The following UNC5D variants were observed in gnomAD, a reference collection of about 807,000 sequenced individuals.
UNC5D encodes the protein unc-5 netrin receptor D.
Under a neutral mutation model 105.4 loss-of-function variants are expected in UNC5D, and 39 were observed. That is an observed-to-expected ratio of 0.37 (90% CI 0.29 to 0.48). The LOEUF is 0.48. UNC5D is among the 20% of genes least tolerant of loss of function. UNC5D has a pLI of 0.98. For missense variants in UNC5D, 991 were observed against 1,202.4 expected (o/e 0.82, Z 2.60); for synonymous variants, 452 against 450.4 (o/e 1.00, Z -0.04).
chr8:35,415,937 CAAACTGT>C (rs1371711760), intron 1 of UNC5D, among the ~76,000 whole-genome samples: 1 of 151,812 alleles, frequency 6.6e-6, no homozygotes, highest in Non-Finnish European at 1.5e-5. Context: ...ATTTACCTTG[CAAACTGT>C]AAAGTGCTGA....
At chr8:35,428,346 ATTTTTTT>A (rs35131097) in intron 1 of UNC5D, among the ~76,000 whole-genome samples, 7 of 92,778 alleles carry the variant, frequency 7.5e-5, no homozygotes, top group East Asian at 6.4e-4. Context: ...ATGCCTGGCT[ATTTTTTT>A]TTTTTTTTTT....
chr8:35,484,979 G>A (rs1307519538), intron 1 of UNC5D, among the ~76,000 whole-genome samples: 1 of 152,152 alleles, frequency 6.6e-6, no homozygotes, highest in Non-Finnish European at 1.5e-5. Flanking sequence ...AAATATATTT[G>A]CCTTAAGTAA....
chr8:35,592,044 G>T, intron 3 of UNC5D, among the ~76,000 whole-genome samples: 1 of 152,154 alleles, frequency 6.6e-6, no homozygotes, highest in East Asian at 1.9e-4. Context: ...ACCAATTGGT[G>T]TACTTGCTGT....
intron 1 of UNC5D, among the ~76,000 whole-genome samples, chr8:35,428,819 C>T (rs969078086): frequency 6.6e-6 from 1 of 152,032 alleles, no homozygotes; most frequent in African/African-American, 2.4e-5. Flanking sequence ...AACCAACCAT[C>T]CCTCACTGAA....
At chr8:35,737,767 TAGTC>T (rs563189073) in intron 11 of UNC5D, among the ~76,000 whole-genome samples, 113 of 152,196 alleles carry the variant, frequency 7.4e-4, no homozygotes, top group African/African-American at 2.7e-3. Context: ...CATAAATAAT[TAGTC>T]AGGAAAATAA....
intron 12 of UNC5D, 134 bp from the exon 13 acceptor site, chr8:35,750,448 C>T (rs906282644): frequency 5.8e-5 from 50 of 868,116 alleles, no homozygotes; most frequent in East Asian, 3.4e-4. Context: ...CAGTTAACAT[C>T]GGGATAATTG....
intron 13 of UNC5D, among the ~76,000 whole-genome samples, chr8:35,758,450 A>G (rs1245850450): frequency 6.6e-6 from 1 of 152,270 alleles, no homozygotes; most frequent in African/African-American, 2.4e-5. Context: ...ATTAATGGTG[A>G]TTTCAAAAAT....
chr8:35,489,974 A>G (rs1223824103), intron 1 of UNC5D, among the ~76,000 whole-genome samples: 1 of 152,216 alleles, frequency 6.6e-6, no homozygotes, highest in African/African-American at 2.4e-5. Flanking sequence ...ATGCTTAGTA[A>G]ATATCATCCA....
intron 1 of UNC5D, among the ~76,000 whole-genome samples, chr8:35,404,333 C>T (rs1804666975): frequency 6.6e-6 from 1 of 152,074 alleles, no homozygotes; most frequent in African/African-American, 2.4e-5. Context: ...AATGTACCAT[C>T]CTGACACCCA....
chr8:35,265,957 A>G (rs1804841806), intron 1 of UNC5D, among the ~76,000 whole-genome samples: 1 of 151,798 alleles, frequency 6.6e-6, no homozygotes, highest in East Asian at 1.9e-4. Context: ...GAGAGAGGGT[A>G]GAGATATAAA....
intron 1 of UNC5D, among the ~76,000 whole-genome samples, chr8:35,246,964 A>G (rs745993668): frequency 6.6e-6 from 1 of 152,082 alleles, no homozygotes; most frequent in Non-Finnish European, 1.5e-5. Flanking sequence ...AGGGCCCTAA[A>G]ATTTCCAGGC....
chr8:35,271,648 T>A lies in UNC5D; in HGVS notation c.103+35761T>A, dbSNP rs1805350887. Among the ~76,000 whole-genome samples, 5 of 143,834 alleles carry A rather than the reference T, an allele frequency of 3.5e-5. No individual in the cohort carries two copies. In the Admixed American group the frequency reaches 3.5e-4, roughly 10 times the overall value. The allele number at this position is 143,834 out of a possible 152,430, so 94.4% of individuals were successfully genotyped here. A position where few individuals can be genotyped will look rare whatever the true frequency, so the allele number is the denominator to read the frequency against. ...TGTAACATATATTATGTATACCATA[T>A]GTATACCTATATTTATACAGGTATA... is the stretch of plus-strand genomic sequence containing the variant. On this transcript the variant is annotated intron_variant, in intron 1 of 16. Transcript: ENST00000404895.
At chr8:35,289,413 G>A (rs937510263) in intron 1 of UNC5D, among the ~76,000 whole-genome samples, 1 of 152,076 alleles carries the variant, frequency 6.6e-6, no homozygotes, top group African/African-American at 2.4e-5. Flanking sequence ...TAATAGCAGG[G>A]GAATCTGAAC....
chr8:35,235,896 T>A lies in UNC5D; in HGVS notation c.103+9T>A. On this transcript the variant is annotated intron_variant, in intron 1 of 16. Coordinates refer to ENST00000404895, the MANE Select transcript of UNC5D (RefSeq NM_080872.4). ...GACCGCGGCTGCCCGAGGTAAGCGC[T>A]GGGCGGAGCGGGCAGCTGGGGGCGA... 8.2e-7 allele frequency: 1 copy of A among 1,214,988 alleles called. No homozygotes were observed. The highest frequency in any genetic ancestry group is 1.0e-6 in the Non-Finnish European group (1 of 981,754). The allele number at this position is 1,214,988 out of a possible 1,614,324, so 75.3% of individuals were successfully genotyped here. A position where few individuals can be genotyped will look rare whatever the true frequency, so the allele number is the denominator to read the frequency against.
At chr8:35,384,818 C>A (rs985122764) in intron 1 of UNC5D, among the ~76,000 whole-genome samples, 7 of 152,196 alleles carry the variant, frequency 4.6e-5, no homozygotes, top group African/African-American at 1.4e-4. Flanking sequence ...TAAAGGTTTA[C>A]ACTTTTACAT....
At chr8:35,347,772 G>A (rs774644716) in intron 1 of UNC5D, among the ~76,000 whole-genome samples, 7 of 152,064 alleles carry the variant, frequency 4.6e-5, no homozygotes, top group Admixed American at 6.6e-5. Flanking sequence ...CCTCATTTGT[G>A]ATTTTTGTAT....
At chr8:35,647,570 A>G (rs1313041593) in intron 4 of UNC5D, among the ~76,000 whole-genome samples, 1 of 152,182 alleles carries the variant, frequency 6.6e-6, no homozygotes, top group Admixed American at 6.6e-5. Flanking sequence ...TTACTGGTTT[A>G]TAGCATTAGG....
chr8:35,726,324 C>T lies in UNC5D; in HGVS notation c.1476C>T (p.Ser492=). Reference sequence around the variant, plus strand: ...AAGTCCAGAGCTCGTTCATGGTTTCCCTGGGAGTGTCTGAGAGAGCTGAGT... The same window carrying T: ...AAGTCCAGAGCTCGTTCATGGTTTCTCTGGGAGTGTCTGAGAGAGCTGAGT... ...KVKVQSSFMV[S]LGVSERAEYH... Residue 492 remains serine, a synonymous_variant, in exon 10 of 17, where the codon TCC becomes TCT. Coordinates refer to ENST00000404895, the MANE Select transcript of UNC5D (RefSeq NM_080872.4). The T allele has an allele frequency of 1.2e-6, 2 of 1,614,054 alleles. No individual in the cohort carries two copies. Among genetic ancestry groups the T allele is most frequent in the Non-Finnish European group, 1.7e-6 (2 of 1,180,008 alleles).
At chr8:35,374,685 T>C (rs963411766) in intron 1 of UNC5D, among the ~76,000 whole-genome samples, 1 of 152,234 alleles carries the variant, frequency 6.6e-6, no homozygotes, top group African/African-American at 2.4e-5. Context: ...TTCCTCTGCC[T>C]TCTAACAGAG....
Sources: gnomAD v4.1 joint callset for allele counts (sites outside exome capture counted in the v4.1 genomes callset) on GRCh38, gnomAD v4.1.1 for gene constraint, MANE v1.5 for transcripts, NCBI Gene and HGNC (gene_info 2026-07-23, HGNC 2026-07-21) for gene names.